The following CAPS2 variants were observed in gnomAD, a reference collection of about 807,000 sequenced individuals.
The protein encoded by CAPS2 is calcyphosine 2.
Under a neutral mutation model 86.5 loss-of-function variants are expected in CAPS2, and 98 were observed. The ratio of observed to expected loss-of-function variants is 1.13; its 90% CI spans 0.96 to 1.34. The LOEUF (loss-of-function observed/expected upper bound fraction) is 1.34, where lower values mean the gene tolerates loss of function less well. CAPS2 is among the 40% of genes most tolerant of loss of function. The probability of loss-of-function intolerance (pLI) is 0.00; values close to 1 mark genes in which losing one functional copy is unlikely to be tolerated. For missense variants in CAPS2, 729 were observed against 686.8 expected (o/e 1.06, Z -0.69); for synonymous variants, 210 against 225.1 (o/e 0.93, Z 0.60).
At chr12:75,281,312 A>G (rs1432345381) in intron 16 of CAPS2, among the ~76,000 whole-genome samples, 1 of 151,982 alleles carries the variant, frequency 6.6e-6, no homozygotes, top group Non-Finnish European at 1.5e-5. Flanking sequence ...AGTCACAAAT[A>G]AGCACATTTA....
At chr12:75,285,361 T>C (rs554589266) in intron 14 of CAPS2, among the ~76,000 whole-genome samples, 4 of 152,152 alleles carry the variant, frequency 2.6e-5, no homozygotes, top group African/African-American at 9.6e-5. Flanking sequence ...AATAATTGTA[T>C]ATAGTTATAG....
exon 17 of CAPS2, chr12:75,277,758 A>G: frequency 1.2e-6 from 1 of 812,090 alleles, no homozygotes; most frequent in South Asian, 5.6e-5. Context: ...TGAATCACTT[A>G]TTTTTTCTAA....
intron 9 of CAPS2, 118 bp from the exon 10 acceptor site, chr12:75,299,084 T>A (rs564855062): frequency 2.4e-5 from 15 of 620,698 alleles, no homozygotes; most frequent in African/African-American, 2.0e-4. Flanking sequence ...TGGCAATGAG[T>A]GAAGGTTATG....
upstream of CAPS2, chr12:75,334,396 G>T: frequency 1.1e-6 from 1 of 911,478 alleles, no homozygotes; most frequent in Non-Finnish European, 1.4e-6. Context: ...TAACTTGTGT[G>T]GCTTGCATAT....
chr12:75,337,120 T>C (rs1036144793), intron 1 of CAPS2, among the ~76,000 whole-genome samples: 3 of 151,838 alleles, frequency 2.0e-5, no homozygotes, highest in Admixed American at 2.0e-4. Flanking sequence ...TTTGGAAGCA[T>C]ACGTATAGAT....
At chr12:75,368,395 CTTCTT>C (rs996644035) in intron 1 of CAPS2, among the ~76,000 whole-genome samples, 5 of 150,986 alleles carry the variant, frequency 3.3e-5, no homozygotes, top group Admixed American at 6.6e-5. Flanking sequence ...ACTAATGCTA[CTTCTT>C]TTCTTTTAGT....
At chr12:75,310,381 T>C (rs1215204641) in intron 7 of CAPS2, among the ~76,000 whole-genome samples, 1 of 152,054 alleles carries the variant, frequency 6.6e-6, no homozygotes, top group Non-Finnish European at 1.5e-5. Flanking sequence ...TGAGCTAAAA[T>C]GAGTAAGCAG....
chr12:75,307,209 CCA>C (rs2138700788), intron 7 of CAPS2, among the ~76,000 whole-genome samples: 1 of 152,260 alleles, frequency 6.6e-6, no homozygotes, highest in South Asian at 2.1e-4. Context: ...TTGGTGTCTC[CCA>C]CACAGAAAGG....
At chr12:75,346,790 T>G (rs2042479744) in intron 1 of CAPS2, among the ~76,000 whole-genome samples, 1 of 152,170 alleles carries the variant, frequency 6.6e-6, no homozygotes, top group Non-Finnish European at 1.5e-5. Flanking sequence ...GATACATCAA[T>G]TTACGAAATA....
intron 1 of CAPS2, among the ~76,000 whole-genome samples, chr12:75,339,137 C>CA (rs1231839867): frequency 6.6e-6 from 1 of 152,162 alleles, no homozygotes; most frequent in Non-Finnish European, 1.5e-5. Context: ...ATTGCTGGGT[C>CA]AAATGGTATT....
chr12:75,289,657 T>C, exon 14 of CAPS2: 1 of 1,613,304 alleles, frequency 6.2e-7, no homozygotes, highest in Non-Finnish European at 8.5e-7. Flanking sequence ...CTTTTAGAGC[T>C]TGCTTAAAAT....
intron 1 of CAPS2, among the ~76,000 whole-genome samples, chr12:75,361,182 T>C (rs74108722): frequency 0.054 from 8,270 of 152,002 alleles, 278 homozygotes; most frequent in African/African-American, 0.095. Flanking sequence ...TGTGTGCTGA[T>C]TGGTCTGTTG....
At chr12:75,306,705 C>T (rs2038546644) in intron 7 of CAPS2, among the ~76,000 whole-genome samples, 1 of 152,048 alleles carries the variant, frequency 6.6e-6, no homozygotes, top group African/African-American at 2.4e-5. Flanking sequence ...GGGTAGGCTG[C>T]TCCTGGAAAG....
chr12:75,346,341 G>T (rs373831031), intron 1 of CAPS2, among the ~76,000 whole-genome samples: 1 of 151,848 alleles, frequency 6.6e-6, no homozygotes, highest in Non-Finnish European at 1.5e-5. Flanking sequence ...AACTACCTCA[G>T]AATTGATCTG....
chr12:75,293,255 G>A (rs2036313162), exon 12 of CAPS2: 5 of 1,577,568 alleles, frequency 3.2e-6, no homozygotes, highest in Admixed American at 1.7e-5. Flanking sequence ...TTACTTGAGA[G>A]AATCCAAAGC....
chr12:75,384,247 T>C (rs1264904073), intron 1 of CAPS2, among the ~76,000 whole-genome samples: 1 of 152,078 alleles, frequency 6.6e-6, no homozygotes, highest in East Asian at 1.9e-4. Flanking sequence ...ATAAATAAGA[T>C]TGATAAGCTT....
At chr12:75,281,215 G>C (rs184333962) in intron 16 of CAPS2, among the ~76,000 whole-genome samples, 21 of 151,966 alleles carry the variant, frequency 1.4e-4, no homozygotes, top group Admixed American at 8.5e-4. Flanking sequence ...TAATTTGGAA[G>C]TATCACTTAA....
At chr12:75,371,355 C>G (rs928647999) in intron 1 of CAPS2, 10 of 184,026 alleles carry the variant, frequency 5.4e-5, no homozygotes, top group Admixed American at 4.9e-4. Flanking sequence ...CTTCTCCTGC[C>G]TGGTTTATTC....
intron 11 of CAPS2, among the ~76,000 whole-genome samples, chr12:75,295,517 A>G (rs138231718): frequency 4.3e-4 from 65 of 152,340 alleles, no homozygotes; most frequent in African/African-American, 1.5e-3. Context: ...TAGAGATATT[A>G]AAAATATGGC....
Sources: allele counts gnomAD v4.1 joint callset (sites outside exome capture counted in the v4.1 genomes callset), GRCh38; gene constraint gnomAD v4.1.1; transcripts MANE v1.5; gene names NCBI Gene and HGNC (gene_info 2026-07-23, HGNC 2026-07-21).